Variants in PARVA observed in about 807,000 individuals in gnomAD.
The protein encoded by PARVA is alpha-parvin.
PARVA carries 25 observed loss-of-function variants against 52.6 expected under a neutral mutation model. The ratio of observed to expected loss-of-function variants is 0.48; its 90% confidence interval spans 0.35 to 0.66. PARVA has a LOEUF of 0.66. Among genes scored for constraint, PARVA ranks in the 30% least tolerant of loss-of-function variants. PARVA has a pLI of 0.01. For synonymous variants in PARVA, 185 were observed against 179.1 expected (o/e 1.03, Z -0.26); for missense variants, 373 against 450.9 (o/e 0.83, Z 1.56).
intron 1 of PARVA, among the ~76,000 whole-genome samples, chr11:12,396,025 C>T (rs560379993): frequency 6.0e-4 from 91 of 152,266 alleles, no homozygotes; most frequent in East Asian, 7.7e-4. Flanking sequence ...TATTTGTATA[C>T]GTATCCAACA....
At chr11:12,456,412 G>C (rs374171734) in intron 1 of PARVA, among the ~76,000 whole-genome samples, 10 of 152,212 alleles carry the variant, frequency 6.6e-5, no homozygotes, top group African/African-American at 2.2e-4. Context: ...AATTCAAACT[G>C]TATCATCAGG....
rs1329971262 is a variant in PARVA at position 12,488,749 on chromosome 11, G to T, written c.401-7709G>T. Among the ~76,000 whole-genome samples, 3 of 152,172 alleles carry T rather than the reference G, an allele frequency of 2.0e-5. No homozygotes were observed. In the East Asian group the frequency reaches 5.8e-4, roughly 29 times the overall value. On this transcript the variant is annotated intron_variant, in intron 4 of 12. Coordinates refer to ENST00000334956, the MANE Select transcript of PARVA (RefSeq NM_018222.5). The stretch of plus-strand genomic sequence containing the variant: ...TATACTCACACAGATTTAAGGCTAG[G>T]ATTCACAGTACTTATGTGACTTTAA...
chr11:12,498,389 A>T (rs1941325384), intron 5 of PARVA, among the ~76,000 whole-genome samples: 1 of 152,154 alleles, frequency 6.6e-6, no homozygotes, highest in Non-Finnish European at 1.5e-5. Flanking sequence ...GTGGCTTTGA[A>T]TGATTTGTTT....
intron 3 of PARVA, among the ~76,000 whole-genome samples, chr11:12,474,415 A>G (rs1017835447): frequency 2.0e-5 from 3 of 151,972 alleles, no homozygotes; most frequent in Non-Finnish European, 4.4e-5. Context: ...GAAATAAAGG[A>G]GATGAAGTGA....
chr11:12,429,510 A>G (rs1940285541), intron 1 of PARVA, among the ~76,000 whole-genome samples: 3 of 152,318 alleles, frequency 2.0e-5, no homozygotes, highest in Middle Eastern at 3.4e-3. Flanking sequence ...TAAAATATCA[A>G]CACTGTTTAT....
intron 1 of PARVA, among the ~76,000 whole-genome samples, chr11:12,380,367 C>T (rs1324685666): frequency 6.6e-6 from 1 of 150,686 alleles, no homozygotes; most frequent in African/African-American, 2.5e-5. Flanking sequence ...GAACCTATTA[C>T]AAGCTGGGGT....
At chr11:12,484,933 C>A (rs578005812) in intron 4 of PARVA, among the ~76,000 whole-genome samples, 36 of 151,848 alleles carry the variant, frequency 2.4e-4, no homozygotes, top group Non-Finnish European at 3.7e-4. Context: ...CCCATCTCAG[C>A]CTCCCAGGTA....
At chr11:12,473,656 A>T in intron 1 of PARVA, 89 bp from the exon 2 acceptor site, 3 of 963,088 alleles carry the variant, frequency 3.1e-6, no homozygotes, top group Admixed American at 2.1e-5. Context: ...TTTTTTTCTC[A>T]ATGTCAATAT....
At chr11:12,426,688 A>G (rs1045765606) in intron 1 of PARVA, among the ~76,000 whole-genome samples, 1 of 152,178 alleles carries the variant, frequency 6.6e-6, no homozygotes, top group Non-Finnish European at 1.5e-5. Context: ...GTCACATCGT[A>G]TGTTTGTGAA....
chr11:12,515,940 G>A (rs952606705), intron 10 of PARVA, among the ~76,000 whole-genome samples: 6 of 152,186 alleles, frequency 3.9e-5, no homozygotes, highest in East Asian at 1.9e-4. Flanking sequence ...AGGCTCAGGT[G>A]ATCCTCCCAC....
At chr11:12,378,959 T>C (rs1431735181) in intron 1 of PARVA, among the ~76,000 whole-genome samples, 1 of 152,196 alleles carries the variant, frequency 6.6e-6, no homozygotes, top group Non-Finnish European at 1.5e-5. Context: ...AATAAAAGAA[T>C]GGCCACTCCA....
At chr11:12,391,456 T>G (rs2134954437) in intron 1 of PARVA, among the ~76,000 whole-genome samples, 1 of 152,336 alleles carries the variant, frequency 6.6e-6, no homozygotes, top group East Asian at 1.9e-4. Flanking sequence ...TTACTGGTTC[T>G]GGGAAGTGTG....
At position 12,423,491 on chromosome 11, in the gene PARVA, G is replaced by A. The variant is rs549325312; in HGVS notation, c.136+45708G>A. Among the ~76,000 whole-genome samples the A allele has an allele frequency of 6.3e-4, 95 of 151,516 alleles. 1 individual carries two copies. Among genetic ancestry groups the A allele is most frequent in the African/African-American group, 2.3e-3 (94 of 41,258 alleles). The stretch of plus-strand genomic sequence containing the variant: ...TTTAAATAGACTTTATGATATTCGA[G>A]TTCACCTACCTCAGTCTTATAATAC... On this transcript the variant is annotated intron_variant, in intron 1 of 12. Transcript: ENST00000334956.
intron 12 of PARVA, among the ~76,000 whole-genome samples, chr11:12,524,094 C>T (rs1941671919): frequency 6.6e-6 from 1 of 152,210 alleles, no homozygotes; most frequent in African/African-American, 2.4e-5. Context: ...GAAGAAGCAA[C>T]TCAGTTTTCC....
intron 12 of PARVA, among the ~76,000 whole-genome samples, chr11:12,521,150 C>T (rs1162392129): frequency 6.6e-6 from 1 of 152,132 alleles, no homozygotes; most frequent in East Asian, 1.9e-4. Flanking sequence ...GTCTGTAGGA[C>T]TAAATATCTA....
chr11:12,517,749 A>G, intron 11 of PARVA, 38 bp downstream of exon 11: 1 of 1,384,436 alleles, frequency 7.2e-7, no homozygotes, highest in South Asian at 1.2e-5. Context: ...CCCCTAGCCC[A>G]CATCCCCTGA....
intron 12 of PARVA, among the ~76,000 whole-genome samples, chr11:12,526,595 G>A (rs1941704354): frequency 2.0e-5 from 3 of 152,120 alleles, no homozygotes; most frequent in Non-Finnish European, 4.4e-5. Context: ...AGTAATGCCG[G>A]CTCCCAAGAG....
rs140273633 is a variant in PARVA at position 12,490,788 on chromosome 11, A to T, written c.401-5670A>T. Among the ~76,000 whole-genome samples the T allele has an allele frequency of 6.9e-3, 1,055 of 152,344 alleles. 9 individuals carry two copies. The highest frequency in any genetic ancestry group is 0.02 in the Middle Eastern group (6 of 294). Reference sequence around the variant, plus strand: ...TAGAATCAGAATCCCATACAACCGTAGCACATAAATCAGGAATTATGTAAT... The same window carrying T: ...TAGAATCAGAATCCCATACAACCGTTGCACATAAATCAGGAATTATGTAAT... On this transcript the variant is annotated intron_variant, in intron 4 of 12. Transcript: ENST00000334956.
At chr11:12,444,457 T>A (rs77132462) in intron 1 of PARVA, among the ~76,000 whole-genome samples, 4 of 152,064 alleles carry the variant, frequency 2.6e-5, no homozygotes, top group Non-Finnish European at 4.4e-5. Flanking sequence ...CTTTTTTTTT[T>A]ATAGAGATAT....
Sources: allele counts gnomAD v4.1 joint callset (sites outside exome capture counted in the v4.1 genomes callset), GRCh38; gene constraint gnomAD v4.1.1; transcripts MANE v1.5; gene names NCBI Gene and HGNC (gene_info 2026-07-23, HGNC 2026-07-21).